The following RPS6KC1 variants were observed in gnomAD, a reference collection of about 807,000 sequenced individuals.
The protein encoded by RPS6KC1 is ribosomal protein S6 kinase C1, also known as inactive ribosomal protein S6 kinase delta-1.
RPS6KC1 carries 54 observed loss-of-function variants against 103.8 expected under a neutral mutation model. That is an observed-to-expected ratio of 0.52 (90% CI 0.42 to 0.65). The LOEUF is 0.65. Ranked by LOEUF, RPS6KC1 falls within the 30% of genes least tolerant of loss-of-function variation. The probability of loss-of-function intolerance (pLI) is 0.00; values close to 1 mark genes in which losing one functional copy is unlikely to be tolerated. For synonymous variants in RPS6KC1, 439 were observed against 438.7 expected, an observed-to-expected ratio of 1.00 and a Z score of -0.01; for missense variants, 1,151 against 1,253.8, an observed-to-expected ratio of 0.92 and a Z score of 1.24.
the RPS6KC1 span, among the ~76,000 whole-genome samples, chr1:213,611,995 C>T: frequency 6.6e-6 from 1 of 152,154 alleles, no homozygotes; most frequent in Non-Finnish European, 1.5e-5. Context: ...TAGACCAGGC[C>T]AGATACAAAG....
chr1:213,420,450 C>T, the RPS6KC1 span, among the ~76,000 whole-genome samples: 1 of 152,206 alleles, frequency 6.6e-6, no homozygotes, highest in Non-Finnish European at 1.5e-5. Context: ...AAACAGCTGT[C>T]AGAACGGCCC....
Position 213,129,566 on chromosome 1 carries a change from A to T in RPS6KC1, c.512A>T (p.Asp171Val), listed in dbSNP as rs1455483280. 5 of 1,613,104 alleles carry T rather than the reference A, an allele frequency of 3.1e-6. No homozygotes were observed. The highest frequency in any genetic ancestry group is 4.2e-6 in the Non-Finnish European group (5 of 1,179,434). The change falls in exon 6 of 15, where the codon GAT (aspartate) becomes GTT (valine). Residue 171 changes from aspartate (D) to valine (V), a missense_variant. Physicochemically the swap from Asp to Val is radical, Grantham distance 152. Coordinates refer to ENST00000366960, the MANE Select transcript of RPS6KC1 (RefSeq NM_012424.6). ...AGTGATCTGGTATCTCTTACTGTTGATGTGGATTCTCTTGCTGAGTTAGAT... is the reference window on the plus strand; with the variant it reads ...AGTGATCTGGTATCTCTTACTGTTGTTGTGGATTCTCTTGCTGAGTTAGAT... Reference protein sequence around the residue: ...SDSDLVSLTVDVDSLAELDDG... With the variant: ...SDSDLVSLTVVVDSLAELDDG...
At chr1:213,662,565 A>AC in the RPS6KC1 span, among the ~76,000 whole-genome samples, 1 of 151,756 alleles carries the variant, frequency 6.6e-6, no homozygotes, top group Non-Finnish European at 1.5e-5. Context: ...GGCGTGAGCC[A>AC]CTGCACCCGG....
intron 8 of RPS6KC1, among the ~76,000 whole-genome samples, chr1:213,203,000 T>A (rs2148593753): frequency 1.3e-5 from 2 of 152,238 alleles, no homozygotes; most frequent in Middle Eastern, 6.8e-3. Flanking sequence ...AGTCATCTTA[T>A]GTTTTCTTTA....
the RPS6KC1 span, among the ~76,000 whole-genome samples, chr1:213,677,877 G>A: frequency 6.6e-6 from 1 of 152,010 alleles, no homozygotes; most frequent in Non-Finnish European, 1.5e-5. Flanking sequence ...ATGGTGGTGG[G>A]CACCTGTAAT....
At chr1:213,133,631 G>A (rs2085916598) in intron 6 of RPS6KC1, among the ~76,000 whole-genome samples, 2 of 152,154 alleles carry the variant, frequency 1.3e-5, no homozygotes, top group African/African-American at 4.8e-5. Flanking sequence ...ATGAATTACA[G>A]AGTCGATTTG....
chr1:213,320,011 G>C, the RPS6KC1 span, among the ~76,000 whole-genome samples: 1 of 152,180 alleles, frequency 6.6e-6, no homozygotes. Flanking sequence ...TTAATGTTTT[G>C]AGCACTCTCT....
At chr1:213,545,042 A>G in the RPS6KC1 span, among the ~76,000 whole-genome samples, 2 of 152,116 alleles carry the variant, frequency 1.3e-5, no homozygotes, top group African/African-American at 2.4e-5. Flanking sequence ...CAAGGTGTCT[A>G]TAGGGTTGGC....
At chr1:213,634,191 A>T in the RPS6KC1 span, among the ~76,000 whole-genome samples, 9 of 152,188 alleles carry the variant, frequency 5.9e-5, no homozygotes, top group South Asian at 2.1e-4. Context: ...GTTAACAAGG[A>T]TATCCAGGAC....
intron 8 of RPS6KC1, among the ~76,000 whole-genome samples, chr1:213,187,113 A>G (rs2092565001): frequency 1.3e-5 from 2 of 151,900 alleles, no homozygotes; most frequent in African/African-American, 2.4e-5. Flanking sequence ...TGTTGCCCAG[A>G]CTGGTCTTGA....
chr1:213,688,172 C>T, the RPS6KC1 span, among the ~76,000 whole-genome samples: 4 of 152,066 alleles, frequency 2.6e-5, no homozygotes, highest in Non-Finnish European at 4.4e-5. Flanking sequence ...CTGTGGAATG[C>T]GGAGACCTTG....
chr1:213,173,728 C>T (rs1377097144), intron 7 of RPS6KC1, among the ~76,000 whole-genome samples: 1 of 152,158 alleles, frequency 6.6e-6, no homozygotes, highest in Non-Finnish European at 1.5e-5. Flanking sequence ...TGTTATTTAA[C>T]TGTTCATGTA....
intron 12 of RPS6KC1, among the ~76,000 whole-genome samples, chr1:213,258,870 G>A (rs984285452): frequency 6.6e-6 from 1 of 152,182 alleles, no homozygotes; most frequent in Non-Finnish European, 1.5e-5. Context: ...ATGGGGGTGA[G>A]GGTTATGTAT....
chr1:213,738,531 A>G, the RPS6KC1 span, among the ~76,000 whole-genome samples: 1 of 152,164 alleles, frequency 6.6e-6, no homozygotes, highest in Non-Finnish European at 1.5e-5. Context: ...AATCAGAGGG[A>G]TTCTGATTCT....
At chr1:213,566,097 G>A in the RPS6KC1 span, among the ~76,000 whole-genome samples, 116 of 152,252 alleles carry the variant, frequency 7.6e-4, no homozygotes, top group African/African-American at 2.4e-3. Context: ...GAGATGGATA[G>A]ATGGATAGAT....
In RPS6KC1 at chr1:213,182,454, G is replaced by T. The variant is rs1024821873; in HGVS notation, c.1044+5962G>T. Among the ~76,000 whole-genome samples the T allele has an allele frequency of 2.6e-5, 4 of 152,036 alleles. No individual in the cohort carries two copies. The East Asian group carries it at 7.7e-4, about 29-fold the overall frequency. ...TATAGTGAAATGAGATCATGCCACCGCACTCCAGCCTGAGCAACAGAGTGA... is the reference window on the plus strand; with the variant it reads ...TATAGTGAAATGAGATCATGCCACCTCACTCCAGCCTGAGCAACAGAGTGA... On this transcript the variant is annotated intron_variant, in intron 8 of 14. Coordinates refer to ENST00000366960, the MANE Select transcript of RPS6KC1 (RefSeq NM_012424.6).
At chr1:213,569,452 A>G in the RPS6KC1 span, among the ~76,000 whole-genome samples, 1 of 152,134 alleles carries the variant, frequency 6.6e-6, no homozygotes, top group African/African-American at 2.4e-5. Context: ...GCTTCCTTCT[A>G]TACTCTTAGC....
chr1:213,129,620 C>A lies in RPS6KC1; in HGVS notation c.566C>A (p.Pro189His), dbSNP rs770783438. ...GGAATGGCTTCCAATCAAAATTCTC[C>A]CATTAGAACTTTTGGTCTCAATCTT... ...DDGMASNQNS[P>H]IRTFGLNLSS... The change falls in exon 6 of 15, where the codon CCC becomes CAC. Residue 189 changes from proline to histidine, a missense_variant. Coordinates refer to ENST00000366960, the MANE Select transcript of RPS6KC1 (RefSeq NM_012424.6). 1 of 1,613,944 alleles carries A rather than the reference C, an allele frequency of 6.2e-7. No homozygotes were observed. Among genetic ancestry groups the A allele is most frequent in the Non-Finnish European group, 8.5e-7 (1 of 1,179,928 alleles).
intron 1 of RPS6KC1, among the ~76,000 whole-genome samples, chr1:213,066,259 C>G (rs2078322454): frequency 6.6e-6 from 1 of 152,108 alleles, no homozygotes; most frequent in Non-Finnish European, 1.5e-5. Context: ...GAAGAATAAC[C>G]TACAAAAGAG....
Sources: allele counts gnomAD v4.1 joint callset (sites outside exome capture counted in the v4.1 genomes callset), GRCh38; gene constraint gnomAD v4.1.1; transcripts MANE v1.5; gene names NCBI Gene and HGNC (gene_info 2026-07-23, HGNC 2026-07-21).